Variants in NDRG4 observed in about 807,000 individuals in gnomAD.
NDRG4 encodes the protein protein NDRG4.
Under a neutral mutation model 55.8 loss-of-function variants are expected in NDRG4, and 38 were observed. The observed-to-expected ratio is 0.68, with a 90% CI of 0.53 to 0.89. The LOEUF is 0.89. Ranked by LOEUF, NDRG4 falls within the 40% of genes least tolerant of loss-of-function variation. The pLI is 0.00. For missense variants in NDRG4, 455 were observed against 468.6 expected, an observed-to-expected ratio of 0.97 and a Z score of 0.27; for synonymous variants, 190 against 182.7, an observed-to-expected ratio of 1.04 and a Z score of -0.32.
intron 6 of NDRG4, 24 bp downstream of exon 6, chr16:58,506,497 G>A (rs1233324003): frequency 6.2e-7 from 1 of 1,607,400 alleles, no homozygotes; most frequent in African/African-American, 1.3e-5. Context: ...CCGGGGGTGG[G>A]GTGGGTATAC....
In NDRG4 at chr16:58,511,890, G is replaced by T; in HGVS notation, c.*314G>T. The T allele has an allele frequency of 2.2e-6, 1 of 454,430 alleles. No homozygotes were observed. The highest frequency in any genetic ancestry group is 4.2e-6 in the Non-Finnish European group (1 of 235,718). The allele number at this position is 454,430 out of a possible 1,614,324, so 28.1% of individuals were successfully genotyped here. On this transcript the variant is annotated 3_prime_UTR_variant, in exon 15 of 15. Coordinates refer to ENST00000570248, the MANE Select transcript of NDRG4 (RefSeq NM_001242835.2). ...TCGCTACGGATCCAGGCCATTCCTG[G>T]GTGAGCCCTTGGGCAGGCATGTTTG...
chr16:58,498,268 G>A (rs1025531334), upstream of NDRG4, among the ~76,000 whole-genome samples: 2 of 152,192 alleles, frequency 1.3e-5, no homozygotes, highest in African/African-American at 2.4e-5. Context: ...TGGGGAGCAT[G>A]GCCAGGAGGT....
intron 1 of NDRG4, among the ~76,000 whole-genome samples, chr16:58,477,110 C>T (rs1255375310): frequency 6.7e-6 from 1 of 150,098 alleles, no homozygotes; most frequent in African/African-American, 2.5e-5. Context: ...ATTCCAGATT[C>T]CATATATATG....
At position 58,507,019 on chromosome 16, in the gene NDRG4, C is replaced by A. The variant is rs775296409; in HGVS notation, c.620+4C>A. The A allele has an allele frequency of 6.2e-7, 1 of 1,610,542 alleles. No individual in the cohort carries two copies. Among genetic ancestry groups the A allele is most frequent in the South Asian group, 1.1e-5 (1 of 90,360 alleles). On this transcript the variant is annotated splice_donor_region_variant and intron_variant, in intron 8 of 14. Coordinates refer to ENST00000570248, the MANE Select transcript of NDRG4 (RefSeq NM_001242835.2). Reference sequence around the variant, plus strand: ...TCTTCTGGAACATGTACAACAGGTGCGGGTGGGATCAGCAGCCCTGGGACC... The same window carrying A: ...TCTTCTGGAACATGTACAACAGGTGAGGGTGGGATCAGCAGCCCTGGGACC...
intron 2 of NDRG4, among the ~76,000 whole-genome samples, chr16:58,492,330 T>G (rs2035874552): frequency 6.6e-6 from 1 of 152,100 alleles, no homozygotes; most frequent in Non-Finnish European, 1.5e-5. Flanking sequence ...CTCCTCCTCG[T>G]GCTCACCCTG....
intron 1 of NDRG4, among the ~76,000 whole-genome samples, chr16:58,485,669 T>C (rs7206434): frequency 0.91 from 139,024 of 152,122 alleles, 63,814 homozygotes; most frequent in South Asian, 0.96. Flanking sequence ...GGGAGAGCCT[T>C]GAGGATGCCT....
At chr16:58,504,713 G>T in intron 5 of NDRG4, 64 bp downstream of exon 5, 1 of 1,573,004 alleles carries the variant, frequency 6.4e-7, no homozygotes, top group Non-Finnish European at 8.8e-7. Context: ...CCCAGTGGTG[G>T]GGACTGGGGG....
chr16:58,511,405 C>A lies in NDRG4; in HGVS notation c.905-17C>A. 1 of 1,592,906 alleles carries A rather than the reference C, an allele frequency of 6.3e-7. No homozygotes were observed. Among genetic ancestry groups the A allele is most frequent in the East Asian group, 2.2e-5 (1 of 44,478 alleles). On this transcript the variant is annotated splice_polypyrimidine_tract_variant and intron_variant, in intron 14 of 14. Transcript: ENST00000570248. ...CCTGCCCGCCAGTCCTCAGGCCCAT[C>A]CTGTCTCTGTCCACAGTGCCCTCAG...
chr16:58,511,265 C>T, intron 14 of NDRG4, 157 bp from the exon 15 acceptor site: 1 of 837,088 alleles, frequency 1.2e-6, no homozygotes, highest in Non-Finnish European at 1.9e-6. Flanking sequence ...CTGCATGCCC[C>T]CAGCCCGACA....
intron 1 of NDRG4, among the ~76,000 whole-genome samples, chr16:58,472,516 G>C (rs2033015416): frequency 6.6e-6 from 1 of 152,212 alleles, no homozygotes; most frequent in Non-Finnish European, 1.5e-5. Flanking sequence ...TTGCCAAAGG[G>C]AGAGGCGGGA....
In NDRG4 at chr16:58,464,326, C is replaced by T; in HGVS notation, c.-24+529C>T. The T allele has an allele frequency of 9.6e-7, 1 of 1,042,166 alleles. No homozygotes were observed. The highest frequency in any genetic ancestry group is 1.3e-6 in the Non-Finnish European group (1 of 787,990). 64.6% of individuals were successfully genotyped at this position (1,042,166 alleles called of 1,614,324 possible). On this transcript the variant is annotated intron_variant, in intron 1 of 15. Coordinates refer to the NDRG4 transcript ENST00000258187. The surrounding 1 kb of genome is among the most constrained non-coding windows in gnomAD (Gnocchi z 4.8). ...GCTGCTCCTGCCGCTTCGCTCCGCG[C>T]TCTCCTGCCGCTCCGCTCCGGGTCT...
At chr16:58,507,666 CGT>C in intron 8 of NDRG4, 140 bp from the exon 9 acceptor site, 1 of 785,734 alleles carries the variant, frequency 1.3e-6, no homozygotes, top group Middle Eastern at 3.7e-4. Context: ...TCCAAAAAGC[CGT>C]GACAGGGAGC....
intron 1 of NDRG4, chr16:58,465,070 A>G: frequency 1.6e-6 from 2 of 1,281,652 alleles, no homozygotes; most frequent in Non-Finnish European, 2.0e-6. Flanking sequence ...CAGGAAGAGG[A>G]GGTGGGAAAG....
At chr16:58,508,059 C>A in intron 10 of NDRG4, 60 bp downstream of exon 10, 1 of 1,448,862 alleles carries the variant, frequency 6.9e-7, no homozygotes. Flanking sequence ...GCTCACTGGC[C>A]CCTGCCCAGC....
At chr16:58,492,542 GT>G (rs2035922142) in intron 2 of NDRG4, among the ~76,000 whole-genome samples, 1 of 87,334 alleles carries the variant, frequency 1.1e-5, no homozygotes, top group African/African-American at 3.4e-5. Flanking sequence ...GTGTGTGTGT[GT>G]GTGTGTGTGA....
intron 2 of NDRG4, among the ~76,000 whole-genome samples, chr16:58,493,489 G>A (rs1249638365): frequency 4.6e-5 from 7 of 152,168 alleles, no homozygotes; most frequent in East Asian, 1.9e-4. Context: ...GGCTGGTCTC[G>A]AACTCCTGGC....
chr16:58,470,906 C>CAAAAAAAAAAAA lies in NDRG4; in HGVS notation c.-24+7109_-24+7110insAAAAAAAAAAAA, dbSNP rs142300769. On this transcript the variant is annotated intron_variant, in intron 1 of 15. Coordinates refer to the NDRG4 transcript ENST00000258187. ...TGAGCAACAGAGCAAGACACCATCT[C>CAAAAAAAAAAAA]CAAAAAAAAAAAAAAAAAAAAGAGG... is the stretch of plus-strand genomic sequence containing the variant. Among the ~76,000 whole-genome samples, 2 of 79,776 alleles carry CAAAAAAAAAAAA rather than the reference C, an allele frequency of 2.5e-5. 1 individual carries two copies. 52.3% of individuals were successfully genotyped at this position (79,776 alleles called of 152,430 possible).
intron 1 of NDRG4, among the ~76,000 whole-genome samples, chr16:58,468,272 A>G (rs1048588891): frequency 6.6e-6 from 1 of 152,208 alleles, no homozygotes. Context: ...CAGGCGCCTC[A>G]GCGGGGTCTT....
At chr16:58,482,689 C>CTT (rs2034570677) in intron 1 of NDRG4, among the ~76,000 whole-genome samples, 1 of 138,280 alleles carries the variant, frequency 7.2e-6, no homozygotes, top group African/African-American at 3.0e-5. Flanking sequence ...TCCTCCCTCC[C>CTT]TTCCTTCCTC....
Sources: gnomAD v4.1 joint callset for allele counts (sites outside exome capture counted in the v4.1 genomes callset) on GRCh38, gnomAD v4.1.1 for gene constraint, Gnocchi (gnomAD v3.1) non-coding constraint, MANE v1.5 for transcripts, NCBI Gene and HGNC (gene_info 2026-07-23, HGNC 2026-07-21) for gene names.